GALNT17: variants seen among roughly 807,000 people sequenced by gnomAD.
The protein encoded by GALNT17 is polypeptide N-acetylgalactosaminyltransferase 17.
A neutral mutation model predicts 63.7 loss-of-function variants in GALNT17; 29 were observed. The observed-to-expected ratio is 0.46, with a 90% CI of 0.34 to 0.62. The LOEUF is 0.62. GALNT17 is among the 20% of genes least tolerant of loss of function. The pLI, the probability that GALNT17 is intolerant of heterozygous loss-of-function variation, is 0.01. For missense variants in GALNT17, 603 were observed against 799.6 expected, an observed-to-expected ratio of 0.75 and a Z score of 2.97; for synonymous variants, 305 against 318.3, an observed-to-expected ratio of 0.96 and a Z score of 0.45.
chr7:71,630,969 A>T (rs539485252), intron 6 of GALNT17, among the ~76,000 whole-genome samples: 3 of 152,218 alleles, frequency 2.0e-5, no homozygotes, highest in Middle Eastern at 3.2e-3. Context: ...CAGTTGTTCA[A>T]TGAGCACTTA....
At position 71,133,009 on chromosome 7, in the gene GALNT17, G is replaced by A. The variant is rs1426879373; in HGVS notation, c.207G>A (p.Leu69=). 1.1e-5 allele frequency: 18 copies of A among 1,593,930 alleles called. No homozygotes were observed. The highest frequency in any genetic ancestry group is 6.8e-5 in the East Asian group (3 of 43,970). ...ATGCGGTCCTGAAGCGCCTGTCGCTGCTGGAGGACATCGTGTACCGGCAGC... is the reference window on the plus strand; with the variant it reads ...ATGCGGTCCTGAAGCGCCTGTCGCTACTGGAGGACATCGTGTACCGGCAGC... ...IQDAVLKRLS[L]LEDIVYRQLN... is the part of the protein sequence containing the mutation. The change falls in exon 1 of 11, where the codon CTG becomes CTA. Residue 69 remains leucine, a synonymous_variant. Coordinates refer to ENST00000333538, the MANE Select transcript of GALNT17 (RefSeq NM_022479.3).
intron 2 of GALNT17, among the ~76,000 whole-genome samples, chr7:71,351,767 T>C (rs903836853): frequency 1.3e-5 from 2 of 152,118 alleles, no homozygotes; most frequent in African/African-American, 4.8e-5. Context: ...TTTCTGTTGT[T>C]GTAGTGCCCC....
At chr7:71,348,066 G>C (rs1792126053) in intron 2 of GALNT17, among the ~76,000 whole-genome samples, 1 of 152,128 alleles carries the variant, frequency 6.6e-6, no homozygotes, top group South Asian at 2.1e-4. Context: ...TTTGAGACCA[G>C]CCTGGCCAAC....
chr7:71,712,261 C>G lies in GALNT17; in HGVS notation c.*115C>G, dbSNP rs901603877. The G allele has an allele frequency of 2.1e-6, 3 of 1,425,530 alleles. No individual in the cohort carries two copies. The Admixed American group carries it at 7.6e-5, about 36-fold the overall frequency. The allele number at this position is 1,425,530 out of a possible 1,614,324, so 88.3% of individuals were successfully genotyped here. ...AAGGGGCCGGCAGGTGCTCGATGGG[C>G]CCCCCAGGGCTTCTCCAGGGCAGCA... On this transcript the variant is annotated 3_prime_UTR_variant, in exon 11 of 11. Transcript: ENST00000333538.
chr7:71,660,188 C>T (rs1298245014), intron 6 of GALNT17, among the ~76,000 whole-genome samples: 1 of 152,130 alleles, frequency 6.6e-6, no homozygotes, highest in Non-Finnish European at 1.5e-5. Flanking sequence ...TCTGGAGTCA[C>T]CACACCTCCT....
At chr7:71,198,197 C>CAAAA (rs755388218) in intron 1 of GALNT17, among the ~76,000 whole-genome samples, 2 of 77,070 alleles carry the variant, frequency 2.6e-5, no homozygotes, top group African/African-American at 8.4e-5. Context: ...GACTCTGTCT[C>CAAAA]AAAAAAAAAA....
intron 6 of GALNT17, among the ~76,000 whole-genome samples, chr7:71,651,366 G>A (rs1264165200): frequency 2.0e-5 from 3 of 151,000 alleles, no homozygotes; most frequent in African/African-American, 4.9e-5. Context: ...ACAGTGGTGC[G>A]ATCTCGGCTC....
intron 5 of GALNT17, among the ~76,000 whole-genome samples, chr7:71,526,147 A>C (rs1450929291): frequency 1.3e-5 from 2 of 152,204 alleles, no homozygotes; most frequent in Non-Finnish European, 2.9e-5. Context: ...AGTTCTTTTT[A>C]GTCAAAAATG....
intron 1 of GALNT17, among the ~76,000 whole-genome samples, chr7:71,283,546 G>A (rs988009518): frequency 2.0e-5 from 3 of 152,124 alleles, no homozygotes; most frequent in African/African-American, 7.2e-5. Context: ...TGGACACTCA[G>A]GTAAGATTTA....
intron 6 of GALNT17, among the ~76,000 whole-genome samples, chr7:71,659,726 A>C (rs73187202): frequency 6.6e-6 from 1 of 152,208 alleles, no homozygotes; most frequent in Admixed American, 6.5e-5. Flanking sequence ...AATAAGTCAC[A>C]TTGCCAAGGA....
chr7:71,279,028 C>T (rs1375700416), intron 1 of GALNT17, among the ~76,000 whole-genome samples: 5 of 151,686 alleles, frequency 3.3e-5, no homozygotes, highest in South Asian at 2.1e-4. Flanking sequence ...CGAGTTCAAG[C>T]GATTCTCCTG....
At chr7:71,151,772 T>G (rs2116216953) in intron 1 of GALNT17, among the ~76,000 whole-genome samples, 1 of 152,300 alleles carries the variant, frequency 6.6e-6, no homozygotes, top group Non-Finnish European at 1.5e-5. Context: ...ATGGCTAAGT[T>G]GTTTGTAATT....
At chr7:71,190,080 G>A (rs375444201) in intron 1 of GALNT17, among the ~76,000 whole-genome samples, 2 of 152,038 alleles carry the variant, frequency 1.3e-5, no homozygotes, top group Non-Finnish European at 2.9e-5. Flanking sequence ...CAAAGTGCTG[G>A]GATTACAGGC....
intron 6 of GALNT17, among the ~76,000 whole-genome samples, chr7:71,632,910 C>T (rs1790472511): frequency 6.6e-6 from 1 of 151,936 alleles, no homozygotes; most frequent in African/African-American, 2.4e-5. Flanking sequence ...TCGAGATCAG[C>T]ATGGCCAACA....
chr7:71,505,042 C>T (rs1228375828), intron 5 of GALNT17, among the ~76,000 whole-genome samples: 1 of 152,176 alleles, frequency 6.6e-6, no homozygotes, highest in Non-Finnish European at 1.5e-5. Flanking sequence ...GCATACACTG[C>T]ATCATGTAGT....
At chr7:71,387,028 G>A (rs935504348) in intron 2 of GALNT17, among the ~76,000 whole-genome samples, 3 of 152,000 alleles carry the variant, frequency 2.0e-5, no homozygotes, top group African/African-American at 7.2e-5. Flanking sequence ...GGTGAAGAGA[G>A]CATCACTAGG....
intron 1 of GALNT17, among the ~76,000 whole-genome samples, chr7:71,175,252 G>C (rs1158962788): frequency 6.6e-6 from 1 of 151,506 alleles, no homozygotes; most frequent in African/African-American, 2.4e-5. Context: ...CCATCCATCT[G>C]TCCATCCATC....
intron 2 of GALNT17, among the ~76,000 whole-genome samples, chr7:71,373,731 G>A (rs1375631744): frequency 6.6e-6 from 1 of 152,108 alleles, no homozygotes; most frequent in Non-Finnish European, 1.5e-5. Context: ...ATCTGAGATG[G>A]AACAGTTTCA....
At chr7:71,398,395 C>T (rs1194798295) in intron 3 of GALNT17, among the ~76,000 whole-genome samples, 1 of 152,074 alleles carries the variant, frequency 6.6e-6, no homozygotes, top group Non-Finnish European at 1.5e-5. Context: ...TCTATTTCTG[C>T]TATCATAGTT....
Sources: allele counts gnomAD v4.1 joint callset (sites outside exome capture counted in the v4.1 genomes callset), GRCh38; gene constraint gnomAD v4.1.1; transcripts MANE v1.5; gene names NCBI Gene and HGNC (gene_info 2026-07-23, HGNC 2026-07-21).